Variants in SULF1 observed in about 807,000 individuals in gnomAD.
SULF1 encodes the protein sulfatase 1.
Under a neutral mutation model 110.5 loss-of-function variants are expected in SULF1, and 46 were observed. That is an observed-to-expected ratio of 0.42 (90% CI 0.33 to 0.53). The LOEUF (loss-of-function observed/expected upper bound fraction) is 0.53. Among genes scored for constraint, SULF1 ranks in the 20% least tolerant of loss-of-function variants. The pLI is 0.12. For synonymous variants in SULF1, 371 were observed against 387.1 expected, an observed-to-expected ratio of 0.96 and a Z score of 0.49; for missense variants, 941 against 1,094.2, an observed-to-expected ratio of 0.86 and a Z score of 1.98.
At chr8:69,570,388 G>A (rs1422265193) in intron 5 of SULF1, among the ~76,000 whole-genome samples, 1 of 152,168 alleles carries the variant, frequency 6.6e-6, no homozygotes, top group Admixed American at 6.6e-5. Flanking sequence ...ACAAAATACT[G>A]TATACTCAAA....
At chr8:69,491,148 G>A (rs767494670), upstream of SULF1, among the ~76,000 whole-genome samples, 21 of 152,162 alleles carry the variant, frequency 1.4e-4, no homozygotes, top group Non-Finnish European at 5.9e-5. Flanking sequence ...TGACACCACG[G>A]TCGATCCAAC....
intron 2 of SULF1, among the ~76,000 whole-genome samples, chr8:69,500,949 G>A (rs1156493464): frequency 1.3e-5 from 2 of 152,100 alleles, no homozygotes; most frequent in Non-Finnish European, 2.9e-5. Flanking sequence ...CAAAGCAAAG[G>A]ACCTGGGGCT....
chr8:69,547,549 GT>G (rs888020498), intron 3 of SULF1, among the ~76,000 whole-genome samples: 2 of 152,180 alleles, frequency 1.3e-5, no homozygotes, highest in African/African-American at 4.8e-5. Context: ...GCTCTGTGGG[GT>G]TTGTTTTCAT....
chr8:69,655,082 C>G (rs1812618791), intron 22 of SULF1, among the ~76,000 whole-genome samples: 1 of 152,162 alleles, frequency 6.6e-6, no homozygotes, highest in South Asian at 2.1e-4. Flanking sequence ...CAAAACCCAG[C>G]CTGGGGTAAG....
chr8:69,639,547 A>C (rs915603084), intron 21 of SULF1, among the ~76,000 whole-genome samples: 6 of 152,142 alleles, frequency 3.9e-5, no homozygotes, highest in Admixed American at 3.9e-4. Flanking sequence ...TTTCCTCCTC[A>C]TGATGTCTGC....
chr8:69,560,575 C>A (rs764660479), intron 3 of SULF1, among the ~76,000 whole-genome samples: 5 of 152,100 alleles, frequency 3.3e-5, no homozygotes, highest in Admixed American at 6.5e-5. Flanking sequence ...TAAGAAAAAC[C>A]TTTCTGCATT....
intron 10 of SULF1, among the ~76,000 whole-genome samples, chr8:69,602,337 A>G (rs939489171): frequency 1.3e-5 from 2 of 152,182 alleles, no homozygotes; most frequent in Non-Finnish European, 2.9e-5. Flanking sequence ...TTGCATCTCT[A>G]TTTTCCCATC....
At chr8:69,610,152 A>G (rs1008965233) in intron 13 of SULF1, among the ~76,000 whole-genome samples, 4 of 152,310 alleles carry the variant, frequency 2.6e-5, no homozygotes, top group Middle Eastern at 3.4e-3. Context: ...CCTTTCTACT[A>G]TTGGATCAAT....
At chr8:69,473,928 G>A (rs574577265) in intron 1 of SULF1, among the ~76,000 whole-genome samples, 2 of 152,118 alleles carry the variant, frequency 1.3e-5, no homozygotes, top group South Asian at 2.1e-4. Flanking sequence ...CCACTTCATA[G>A]TACGCAAATA....
chr8:69,611,195 A>G (rs1299205837), intron 13 of SULF1, among the ~76,000 whole-genome samples: 1 of 152,262 alleles, frequency 6.6e-6, no homozygotes, highest in Non-Finnish European at 1.5e-5. Context: ...TAAATGTTAT[A>G]TGAATTAAAT....
At chr8:69,603,736 AT>A (rs1808016839) in intron 12 of SULF1, 80 bp downstream of exon 12, 1 of 989,182 alleles carries the variant, frequency 1.0e-6, no homozygotes, top group African/African-American at 1.6e-5. Context: ...TTTTCTCCTT[AT>A]TTTTGTTTAC....
intron 22 of SULF1, among the ~76,000 whole-genome samples, chr8:69,649,586 G>A (rs898132194): frequency 5.9e-5 from 9 of 152,100 alleles, no homozygotes; most frequent in African/African-American, 2.2e-4. Flanking sequence ...CTTTTATCTG[G>A]AACAGTTCCT....
intron 3 of SULF1, among the ~76,000 whole-genome samples, chr8:69,560,062 C>G (rs912800390): frequency 4.6e-5 from 7 of 152,088 alleles, no homozygotes; most frequent in Non-Finnish European, 1.0e-4. Context: ...TAGTTCTGAC[C>G]TCATGAACCT....
chr8:69,647,604 C>CA (rs1563630019), intron 22 of SULF1, among the ~76,000 whole-genome samples: 1 of 151,254 alleles, frequency 6.6e-6, no homozygotes, highest in African/African-American at 2.4e-5. Context: ...TTTCACCTTA[C>CA]AAAAAAAATA....
chr8:69,537,640 T>C (rs1273119695), intron 3 of SULF1, among the ~76,000 whole-genome samples: 1 of 152,226 alleles, frequency 6.6e-6, no homozygotes, highest in African/African-American at 2.4e-5. Context: ...GTGTTTACCA[T>C]TTTTACCACA....
intron 3 of SULF1, among the ~76,000 whole-genome samples, chr8:69,527,136 G>A (rs1812751790): frequency 6.6e-6 from 1 of 152,052 alleles, no homozygotes; most frequent in Non-Finnish European, 1.5e-5. Context: ...CTTTGCCTAG[G>A]ATGACATCCA....
chr8:69,599,561 T>G (rs569410062), intron 8 of SULF1, among the ~76,000 whole-genome samples: 65 of 152,328 alleles, frequency 4.3e-4, no homozygotes, highest in African/African-American at 1.5e-3. Flanking sequence ...GCTGAGACAA[T>G]TAGGTGAGTT....
At chr8:69,656,314 G>A (rs1281927535) in intron 22 of SULF1, among the ~76,000 whole-genome samples, 1 of 152,100 alleles carries the variant, frequency 6.6e-6, no homozygotes, top group Non-Finnish European at 1.5e-5. Flanking sequence ...TGTCGTTGTT[G>A]TTTATTTTAT....
chr8:69,564,186 T>C, intron 5 of SULF1, 39 bp downstream of exon 5: 1 of 1,604,260 alleles, frequency 6.2e-7, no homozygotes, highest in Non-Finnish European at 8.5e-7. Context: ...TCTCTTTTGT[T>C]CAGATGATTT....
Sources: allele counts gnomAD v4.1 joint callset (sites outside exome capture counted in the v4.1 genomes callset), GRCh38; gene constraint gnomAD v4.1.1; transcripts MANE v1.5; gene names NCBI Gene and HGNC (gene_info 2026-07-23, HGNC 2026-07-21).